The following SHPRH variants were observed in gnomAD, a reference collection of about 807,000 sequenced individuals.
SHPRH encodes SNF2 histone linker PHD RING helicase.
Under a neutral mutation model 202.5 loss-of-function variants are expected in SHPRH, and 106 were observed. The observed-to-expected ratio is 0.52, with a 90% CI of 0.45 to 0.62. The LOEUF (loss-of-function observed/expected upper bound fraction) is 0.62. Among genes scored for constraint, SHPRH ranks in the 20% least tolerant of loss-of-function variants. SHPRH has a pLI of 0.00. For synonymous variants in SHPRH, 729 were observed against 686.0 expected (o/e 1.06, Z -0.98); for missense variants, 1,710 against 2,020.0 (o/e 0.85, Z 2.94).
chr6:145,907,790 C>A (rs1783103152), intron 25 of SHPRH: 1 of 117,690 alleles, frequency 8.5e-6, no homozygotes. Flanking sequence ...CCTTAAAAAA[C>A]AAAACAAAAC....
intron 26 of SHPRH, 68 bp from the exon 27 acceptor site, chr6:145,894,304 G>T: frequency 8.3e-7 from 1 of 1,201,412 alleles, no homozygotes; most frequent in Non-Finnish European, 1.1e-6. Context: ...TATCTGAAAA[G>T]GAAATAAATC....
At chr6:145,929,024 C>T (rs1785162428) in intron 14 of SHPRH, among the ~76,000 whole-genome samples, 1 of 151,780 alleles carries the variant, frequency 6.6e-6, no homozygotes, top group African/African-American at 2.4e-5. Flanking sequence ...ATTCAATTAA[C>T]AATTTTCTCT....
At chr6:145,945,179 GT>G (rs1787234773) in intron 8 of SHPRH, among the ~76,000 whole-genome samples, 1 of 152,142 alleles carries the variant, frequency 6.6e-6, no homozygotes, top group Admixed American at 6.5e-5. Flanking sequence ...TATTCTCTAG[GT>G]TTAATGATAG....
At chr6:145,952,543 A>T in intron 2 of SHPRH, 65 bp from the exon 3 acceptor site, 2 of 1,461,102 alleles carry the variant, frequency 1.4e-6, no homozygotes, top group Non-Finnish European at 1.8e-6. Context: ...ATGAGGACAT[A>T]AGCAAGAAAA....
intron 29 of SHPRH, among the ~76,000 whole-genome samples, chr6:145,887,149 C>A (rs1001097192): frequency 6.6e-6 from 1 of 152,076 alleles, no homozygotes; most frequent in Non-Finnish European, 1.5e-5. Context: ...ATTAAAACAA[C>A]CTAAATAAAA....
intron 1 of SHPRH, among the ~76,000 whole-genome samples, chr6:145,962,262 G>A (rs1482777571): frequency 6.6e-6 from 1 of 152,196 alleles, no homozygotes; most frequent in Non-Finnish European, 1.5e-5. Flanking sequence ...AGATGGGCAG[G>A]AGTAGTATCC....
At position 145,940,695 on chromosome 6, in the gene SHPRH, T is replaced by C. The variant is rs375035739; in HGVS notation, c.2569+28A>G. ...TAAAAAATGAAGCTTTTCAAATGCA[T>C]GCAATATGTGAGGAAACCATACATT... On this transcript the variant is annotated intron_variant, in intron 11 of 29. Coordinates refer to ENST00000275233, the MANE Select transcript of SHPRH (RefSeq NM_001042683.3). The C allele has an allele frequency of 2.7e-5, 43 of 1,607,546 alleles. No homozygotes were observed. In the African/African-American group the frequency reaches 5.2e-4, roughly 19 times the overall value.
chr6:145,935,197 T>C (rs1785936615), intron 12 of SHPRH, 34 bp from the exon 13 acceptor site: 1 of 1,593,476 alleles, frequency 6.3e-7, no homozygotes. Context: ...AAAAAAGATA[T>C]CATCTAAAAA....
chr6:145,923,804 T>G lies in SHPRH; in HGVS notation c.3403-19A>C. 1 of 1,603,012 alleles carries G rather than the reference T, an allele frequency of 6.2e-7. No homozygotes were observed. The highest frequency in any genetic ancestry group is 8.5e-7 in the Non-Finnish European group (1 of 1,174,220). On this transcript the variant is annotated intron_variant, in intron 17 of 29. Transcript: ENST00000275233. ...AATGAATCTGTAAAAAAGGTAGCAG[T>G]TAATCAATTAATACATTTTTTTTAG...
At chr6:145,896,549 G>C (rs1436413508) in intron 25 of SHPRH, among the ~76,000 whole-genome samples, 1 of 152,032 alleles carries the variant, frequency 6.6e-6, no homozygotes, top group Non-Finnish European at 1.5e-5. Flanking sequence ...TTTTATCAAA[G>C]ACTGGCCAGT....
At chr6:145,895,313 T>A (rs1441969282) in intron 25 of SHPRH, among the ~76,000 whole-genome samples, 1 of 152,090 alleles carries the variant, frequency 6.6e-6, no homozygotes, top group Non-Finnish European at 1.5e-5. Context: ...AGAAATGATA[T>A]TTTAAAACAC....
intron 4 of SHPRH, among the ~76,000 whole-genome samples, chr6:145,949,819 GA>G (rs887370630): frequency 6.6e-6 from 1 of 151,962 alleles, no homozygotes; most frequent in African/African-American, 2.4e-5. Context: ...TTACTGTAAA[GA>G]AAAAAATGCA....
Position 145,894,911 on chromosome 6 carries a change from C to T in SHPRH, c.4582G>A (p.Gly1528Arg). ...GTTGAGAAAACGAGTGCTTTGGCCC[C>T]TGGATCTCTAAGCTGTATTTTCATC... Reference protein sequence around the residue: ...TLMKIQLRDPGAKALVFSTWQ... With the variant: ...TLMKIQLRDPRAKALVFSTWQ... The change falls in exon 26 of 30, where the codon GGG becomes AGG. Residue 1528 changes from glycine to arginine, a missense_variant. Coordinates refer to ENST00000275233, the MANE Select transcript of SHPRH (RefSeq NM_001042683.3). 1 of 1,612,910 alleles carries T rather than the reference C, an allele frequency of 6.2e-7. No homozygotes were observed. Among genetic ancestry groups the T allele is most frequent in the Non-Finnish European group, 8.5e-7 (1 of 1,179,252 alleles).
chr6:145,921,073 T>C (rs1229474789), intron 21 of SHPRH, 94 bp downstream of exon 21: 51 of 1,115,946 alleles, frequency 4.6e-5, no homozygotes, highest in Non-Finnish European at 6.0e-5. Flanking sequence ...CAAAAGAAGA[T>C]TTTAAAAAAC....
At chr6:145,886,875 T>G in intron 29 of SHPRH, 88 bp from the exon 30 acceptor site, 2 of 1,386,160 alleles carry the variant, frequency 1.4e-6, no homozygotes, top group Non-Finnish European at 1.9e-6. Flanking sequence ...AGACACATAT[T>G]TTTTCTTAAG....
intron 28 of SHPRH, among the ~76,000 whole-genome samples, chr6:145,890,386 T>C (rs572841169): frequency 6.6e-6 from 1 of 152,206 alleles, no homozygotes; most frequent in Non-Finnish European, 1.5e-5. Flanking sequence ...TTGATCTCCA[T>C]GTTGCTAAAT....
At chr6:145,934,860 C>G (rs1317976044) in intron 13 of SHPRH, 47 bp downstream of exon 13, 6 of 1,540,844 alleles carry the variant, frequency 3.9e-6, no homozygotes, top group Non-Finnish European at 5.3e-6. Context: ...GAAATATTGT[C>G]TATTATGATA....
chr6:145,867,625 T>TAGAGAGAGAGAG (rs1207602984), intron 2 of SHPRH, among the ~76,000 whole-genome samples: 7 of 63,404 alleles, frequency 1.1e-4, no homozygotes, highest in Non-Finnish European at 1.7e-4. Flanking sequence ...TATATATATA[T>TAGAGAGAGAGAG]ATATATAGAG....
downstream of SHPRH, among the ~76,000 whole-genome samples, chr6:145,860,062 T>A (rs1214720975): frequency 6.6e-6 from 1 of 152,100 alleles, no homozygotes; most frequent in East Asian, 1.9e-4. Flanking sequence ...AAAGTGTATT[T>A]CTTACAACTA....
Sources: gnomAD v4.1 joint callset for allele counts (sites outside exome capture counted in the v4.1 genomes callset) on GRCh38, gnomAD v4.1.1 for gene constraint, MANE v1.5 for transcripts, NCBI Gene and HGNC (gene_info 2026-07-23, HGNC 2026-07-21) for gene names.